PANK4: variants seen among roughly 807,000 people sequenced by gnomAD.
PANK4 encodes the protein 4'-phosphopantetheine phosphatase.
Under a neutral mutation model 87.9 loss-of-function variants are expected in PANK4, and 40 were observed. The observed-to-expected ratio is 0.46, with a 90% CI of 0.35 to 0.59. The LOEUF (loss-of-function observed/expected upper bound fraction) is 0.59. Ranked by LOEUF, PANK4 falls within the 20% of genes least tolerant of loss-of-function variation. PANK4 has a pLI of 0.00. For synonymous variants in PANK4, 524 were observed against 467.4 expected, an observed-to-expected ratio of 1.12 and a Z score of -1.56; for missense variants, 926 against 1,072.3, an observed-to-expected ratio of 0.86 and a Z score of 1.90.
Position 2,508,892 on chromosome 1 carries a change from G to A in PANK4, c.2277C>T (p.Gly759=). 6.2e-7 allele frequency: 1 copy of A among 1,608,166 alleles called. No homozygotes were observed. The highest frequency in any genetic ancestry group is 8.5e-7 in the Non-Finnish European group (1 of 1,177,792). ...ACTTGAAGATGACGCTGAAGAGCCG[G>A]CCGCCCAGCCGCTCGGCCAGCCACG... The part of the protein sequence containing the change: ...KNAWLAERLG[G]RLFSVIFKYE... The change falls in exon 19 of 19, where the codon GGC becomes GGT. Residue 759 remains glycine (G), a synonymous_variant. Transcript: ENST00000378466. The surrounding 1 kb of genome is among the most constrained non-coding windows in gnomAD (Gnocchi z 5.1).
chr1:2,524,281 A>C (rs1349680287), intron 1 of PANK4, among the ~76,000 whole-genome samples: 1 of 152,032 alleles, frequency 6.6e-6, no homozygotes, highest in Non-Finnish European at 1.5e-5. Flanking sequence ...GCTTTCCTAG[A>C]TCCAGACACA....
At position 2,514,049 on chromosome 1, in the gene PANK4, T is replaced by C; in HGVS notation, c.1528A>G (p.Arg510Gly). 1 of 1,612,876 alleles carries C rather than the reference T, an allele frequency of 6.2e-7. No homozygotes were observed. Among genetic ancestry groups the C allele is most frequent in the South Asian group, 1.1e-5 (1 of 91,084 alleles). ...TLTVRSLLDT[R>G]EHCLNEFNFP... ...TTGAACTCGTTCAGACAGTGCTCCC[T>C]GGTGTCCAGCAGGCTGCGCACGGTC... Residue 510 changes from arginine to glycine, a missense_variant, in exon 12 of 19, where the codon AGG (arginine) becomes GGG (glycine). Transcript: ENST00000378466.
At chr1:2,511,528 G>T in intron 14 of PANK4, 100 bp downstream of exon 14, 1 of 1,088,414 alleles carries the variant, frequency 9.2e-7, no homozygotes, top group East Asian at 2.4e-5. Context: ...GAGCAGGGGA[G>T]GTGCCTGGAC....
intron 9 of PANK4, among the ~76,000 whole-genome samples, 170 bp downstream of exon 9, chr1:2,517,994 G>A (rs1570542345): frequency 6.6e-6 from 1 of 152,240 alleles, no homozygotes; most frequent in South Asian, 2.1e-4. Flanking sequence ...GCAAGCCACA[G>A]TGTCCTTCTC....
chr1:2,509,095 G>GCAGACCC lies in PANK4; in HGVS notation c.2109-42_2109-36dup, dbSNP rs775043438. The GCAGACCC allele has an allele frequency of 1.5e-5, 23 of 1,520,226 alleles. No individual in the cohort carries two copies. The highest frequency in any genetic ancestry group is 2.0e-5 in the Non-Finnish European group (22 of 1,122,858). 94.2% of individuals were successfully genotyped at this position (1,520,226 alleles called of 1,614,324 possible). On this transcript the variant is annotated intron_variant, in intron 18 of 18. Coordinates refer to ENST00000378466, the MANE Select transcript of PANK4 (RefSeq NM_018216.4). The surrounding 1 kb of genome is among the most constrained non-coding windows in gnomAD (Gnocchi z 4.9). ...GGAAGAGGACGGTGAGACTGGGCAAGCAGACCCCAGACCCCACTTCCCATA... is the reference window on the plus strand; with the variant it reads ...GGAAGAGGACGGTGAGACTGGGCAAGCAGACCCCAGACCCCAGACCCCACTTCCCATA...
intron 1 of PANK4, among the ~76,000 whole-genome samples, chr1:2,522,752 T>TATG (rs1643885709): frequency 6.8e-6 from 1 of 146,756 alleles, no homozygotes; most frequent in Admixed American, 6.9e-5. Context: ...GAGGGCACCG[T>TATG]GTGTGTTATA....
chr1:2,510,294 G>C lies in PANK4; in HGVS notation c.1939-137C>G. The C allele has an allele frequency of 3.0e-6, 2 of 674,604 alleles. No individual in the cohort carries two copies. The highest frequency in any genetic ancestry group is 5.4e-6 in the Non-Finnish European group (2 of 368,380). 41.8% of individuals were successfully genotyped at this position (674,604 alleles called of 1,614,324 possible). A position where few individuals can be genotyped will look rare whatever the true frequency, so the allele number is the denominator to read the frequency against. ...GCCTGGCCAGCCACCTGCTGCTGAG[G>C]AGCAGGGACCTCGCCTGACCTTGCC... On this transcript the variant is annotated intron_variant, in intron 16 of 18. Transcript: ENST00000378466. The surrounding 1 kb of genome is among the most constrained non-coding windows in gnomAD (Gnocchi z 4.9).
At chr1:2,518,655 G>T in intron 7 of PANK4, 58 bp from the exon 8 acceptor site, 3 of 1,402,486 alleles carry the variant, frequency 2.1e-6, no homozygotes, top group Non-Finnish European at 2.0e-6. Flanking sequence ...CGGTGCCTCC[G>T]CAAACCAGCT....
chr1:2,514,372 G>T lies in PANK4; in HGVS notation c.1469C>A (p.Thr490Asn), dbSNP rs1643720208. Residue 490 changes from threonine (T) to asparagine (N), a missense_variant, in exon 11 of 19, where the codon ACC becomes AAC. Physicochemically the swap from Thr to Asn is moderately conservative, Grantham distance 65. Coordinates refer to ENST00000378466, the MANE Select transcript of PANK4 (RefSeq NM_018216.4). ...FRQKYWNKLQTLRQQPFAYGT... is the reference protein window; with the variant it reads ...FRQKYWNKLQNLRQQPFAYGT... ...CACTTACAAGGGCTGCTGCCTCAGG[G>T]TCTGAAGCTTGTTCCAGTACTTCTG... 1 of 1,611,816 alleles carries T rather than the reference G, an allele frequency of 6.2e-7. No individual in the cohort carries two copies. Among genetic ancestry groups the T allele is most frequent in the African/African-American group, 1.3e-5 (1 of 74,858 alleles).
In PANK4 at chr1:2,515,821, C is replaced by T; in HGVS notation, c.1219-104G>A. The T allele has an allele frequency of 8.8e-7, 1 of 1,132,208 alleles. No homozygotes were observed. The highest frequency in any genetic ancestry group is 1.5e-5 in the African/African-American group (1 of 64,938). The allele number at this position is 1,132,208 out of a possible 1,614,324, so 70.1% of individuals were successfully genotyped here. A position where few individuals can be genotyped will look rare whatever the true frequency, so the allele number is the denominator to read the frequency against. ...TCTCTCTAAGAAGGGAGATGTACTGCCTTCTTCCGCCACGTCTCTGGGCCA... is the reference window on the plus strand; with the variant it reads ...TCTCTCTAAGAAGGGAGATGTACTGTCTTCTTCCGCCACGTCTCTGGGCCA... On this transcript the variant is annotated intron_variant, in intron 9 of 18. Transcript: ENST00000378466. The surrounding 1 kb of genome is among the most constrained non-coding windows in gnomAD (Gnocchi z 5.0).
intron 14 of PANK4, 24 bp downstream of exon 14, chr1:2,511,604 C>A: frequency 1.3e-6 from 2 of 1,564,744 alleles, no homozygotes; most frequent in Non-Finnish European, 1.8e-6. Flanking sequence ...AAGGCAAGGC[C>A]CCAAGTTACT....
In PANK4 at chr1:2,510,561, A is replaced by G. The variant is rs1260985563; in HGVS notation, c.1938+117T>C. The G allele has an allele frequency of 5.8e-6, 4 of 693,352 alleles. No individual in the cohort carries two copies. The African/African-American group carries it at 7.2e-5, about 12-fold the overall frequency. The allele number at this position is 693,352 out of a possible 1,614,324, so 42.9% of individuals were successfully genotyped here. On this transcript the variant is annotated intron_variant, in intron 16 of 18. Transcript: ENST00000378466. The surrounding 1 kb of genome is among the most constrained non-coding windows in gnomAD (Gnocchi z 4.9). ...CCGCCTCCCCCGTGCTGCTGCCTGC[A>G]CCTACCTGCTGCGTCCGGAGGAGCC...
chr1:2,511,358 C>T lies in PANK4; in HGVS notation c.1813G>A (p.Glu605Lys), dbSNP rs754671943. 1.5e-5 allele frequency: 24 copies of T among 1,610,768 alleles called. No homozygotes were observed. Among genetic ancestry groups the T allele is most frequent in the African/African-American group, 2.7e-5 (2 of 74,858 alleles). The change falls in exon 15 of 19, where the codon GAG becomes AAG. Residue 605 changes from glutamate (E) to lysine (K), a missense_variant. Glu to Lys is a moderately conservative substitution (Grantham distance 56). Coordinates refer to ENST00000378466, the MANE Select transcript of PANK4 (RefSeq NM_018216.4). ...ERPWLVDSYS[E>K]WLQRLKGPPH... ...CATACCTTTAATCTCTGAAGCCACTCGCTGTAGGAATCCACGAGCCAGGGT... is the reference window on the plus strand; with the variant it reads ...CATACCTTTAATCTCTGAAGCCACTTGCTGTAGGAATCCACGAGCCAGGGT...
At position 2,520,331 on chromosome 1, in the gene PANK4, G is replaced by A. The variant is rs867678936; in HGVS notation, c.690C>T (p.Thr230=). The A allele has an allele frequency of 6.2e-7, 1 of 1,612,774 alleles. No homozygotes were observed. Among genetic ancestry groups the A allele is most frequent in the East Asian group, 2.2e-5 (1 of 44,878 alleles). ...GTFWGLGALL[T]KTKKFDELLH... ...GGCAGCTGCCGCATACCTTCGTTTT[G>A]GTGAGCAGAGCGCCAAGCCCCCAGA... Residue 230 remains threonine (T), a synonymous_variant, in exon 5 of 19, where the codon ACC becomes ACT. Transcript: ENST00000378466. The surrounding 1 kb of genome is among the most constrained non-coding windows in gnomAD (Gnocchi z 6.2).
chr1:2,516,066 A>G, intron 9 of PANK4: 1 of 299,698 alleles, frequency 3.3e-6, no homozygotes, highest in Non-Finnish European at 6.2e-6. Flanking sequence ...CCCCATCACC[A>G]CCTCCCTGCA....
chr1:2,519,961 G>A lies in PANK4; in HGVS notation c.700-7C>T. The stretch of plus-strand genomic sequence containing the variant: ...GCAGGAGCTCGTCAAACTTCTGCAG[G>A]ACACGGCGAGGGGGCGGGTGAGGCG... On this transcript the variant is annotated splice_region_variant and splice_polypyrimidine_tract_variant and intron_variant, in intron 5 of 18. Coordinates refer to ENST00000378466, the MANE Select transcript of PANK4 (RefSeq NM_018216.4). The surrounding 1 kb of genome is among the most constrained non-coding windows in gnomAD (Gnocchi z 8.3). The A allele has an allele frequency of 1.3e-6, 2 of 1,546,282 alleles. No individual in the cohort carries two copies. The highest frequency in any genetic ancestry group is 8.8e-7 in the Non-Finnish European group (1 of 1,141,878).
At position 2,510,163 on chromosome 1, in the gene PANK4, G is replaced by A; in HGVS notation, c.1939-6C>T. On this transcript the variant is annotated splice_polypyrimidine_tract_variant and splice_region_variant and intron_variant, in intron 16 of 18. Coordinates refer to ENST00000378466, the MANE Select transcript of PANK4 (RefSeq NM_018216.4). This position sits in a 1 kb window ranked among gnomAD's most constrained non-coding sequence, Gnocchi z 4.9. Reference sequence around the variant, plus strand: ...GAGTTGCACGCCAGGATGACCTGCAGGAGGAGGGCCCAGGCTCTTTAGGAA... The same window carrying A: ...GAGTTGCACGCCAGGATGACCTGCAAGAGGAGGGCCCAGGCTCTTTAGGAA... The A allele has an allele frequency of 6.3e-7, 1 of 1,575,330 alleles. No homozygotes were observed. The highest frequency in any genetic ancestry group is 8.7e-7 in the Non-Finnish European group (1 of 1,152,316).
In PANK4 at chr1:2,509,132, C is replaced by T; in HGVS notation, c.2109-72G>A. ...CCCCACTTCCCATACAGTGCGGCGACCAACGTGAAGGCTGAAACCCCTACC... is the reference window on the plus strand; with the variant it reads ...CCCCACTTCCCATACAGTGCGGCGATCAACGTGAAGGCTGAAACCCCTACC... On this transcript the variant is annotated intron_variant, in intron 18 of 18. Coordinates refer to ENST00000378466, the MANE Select transcript of PANK4 (RefSeq NM_018216.4). The surrounding 1 kb of genome is among the most constrained non-coding windows in gnomAD (Gnocchi z 4.9). 2 of 1,219,736 alleles carry T rather than the reference C, an allele frequency of 1.6e-6. No individual in the cohort carries two copies. The highest frequency in any genetic ancestry group is 2.3e-6 in the Non-Finnish European group (2 of 866,910). The allele number at this position is 1,219,736 out of a possible 1,614,324, so 75.6% of individuals were successfully genotyped here. A position where few individuals can be genotyped will look rare whatever the true frequency, so the allele number is the denominator to read the frequency against.
Position 2,519,934 on chromosome 1 carries a change from G to A in PANK4, c.720C>T (p.His240=), listed in dbSNP as rs373044330. The A allele has an allele frequency of 1.9e-6, 3 of 1,563,360 alleles. No individual in the cohort carries two copies. Among genetic ancestry groups the A allele is most frequent in the Non-Finnish European group, 2.6e-6 (3 of 1,153,052 alleles). ...TGCTGTGCTGGCCCCTCGAGGCCAG[G>A]TGCAGGAGCTCGTCAAACTTCTGCA... ...TKTKKFDELL[H]LASRGQHSNV... is the part of the protein sequence containing the mutation. Residue 240 remains histidine, a synonymous_variant, in exon 6 of 19, where the codon CAC becomes CAT. Coordinates refer to ENST00000378466, the MANE Select transcript of PANK4 (RefSeq NM_018216.4). This position sits in a 1 kb window ranked among gnomAD's most constrained non-coding sequence, Gnocchi z 8.3.
Sources: gnomAD v4.1 joint callset for allele counts (sites outside exome capture counted in the v4.1 genomes callset) on GRCh38, gnomAD v4.1.1 for gene constraint, Gnocchi (gnomAD v3.1) non-coding constraint, MANE v1.5 for transcripts, NCBI Gene and HGNC (gene_info 2026-07-23, HGNC 2026-07-21) for gene names.